Variants in SMAP1 observed in about 807,000 individuals in gnomAD.
SMAP1 encodes stromal membrane-associated protein 1.
Under a neutral mutation model 58.5 loss-of-function variants are expected in SMAP1, and 24 were observed. The ratio of observed to expected loss-of-function variants is 0.41; its 90% confidence interval spans 0.30 to 0.58. SMAP1 has a LOEUF of 0.58. SMAP1 is among the 20% of genes least tolerant of loss of function. The probability of loss-of-function intolerance (pLI) is 0.29; values close to 1 mark genes in which losing one functional copy is unlikely to be tolerated. For missense variants in SMAP1, 563 were observed against 566.3 expected, an observed-to-expected ratio of 0.99 and a Z score of 0.06; for synonymous variants, 216 against 196.6, an observed-to-expected ratio of 1.10 and a Z score of -0.82.
intron 4 of SMAP1, among the ~76,000 whole-genome samples, chr6:70,773,784 T>G (rs1451132374): frequency 2.0e-5 from 3 of 152,178 alleles, no homozygotes; most frequent in African/African-American, 4.8e-5. Flanking sequence ...TCTAAGGGCT[T>G]TCTTTGGTTG....
chr6:70,747,645 A>G (rs1766101053), intron 2 of SMAP1, among the ~76,000 whole-genome samples: 1 of 152,214 alleles, frequency 6.6e-6, no homozygotes, highest in Non-Finnish European at 1.5e-5. Context: ...AGAGTCCAGG[A>G]TGATTCCTGA....
At chr6:70,732,232 C>T (rs551699504) in intron 1 of SMAP1, 146 bp from the exon 2 acceptor site, 13 of 736,436 alleles carry the variant, frequency 1.8e-5, no homozygotes, top group South Asian at 7.5e-5. Flanking sequence ...AGCAGACTGC[C>T]GCCAGTACCA....
intron 7 of SMAP1, among the ~76,000 whole-genome samples, chr6:70,841,088 A>C (rs1398044376): frequency 1.3e-5 from 2 of 152,192 alleles, no homozygotes; most frequent in South Asian, 4.1e-4. Context: ...GTTCCCCCCG[A>C]CTAATGCTTC....
chr6:70,793,674 A>AGAGAGAGAGAGAGAGAG (rs1768468003), intron 5 of SMAP1, among the ~76,000 whole-genome samples: 3 of 132,168 alleles, frequency 2.3e-5, no homozygotes, highest in African/African-American at 8.5e-5. Flanking sequence ...GAGAGAGAGA[A>AGAGAGAGAGAGAGAGAG]AGCTTAAAAA....
chr6:70,688,974 GTTT>G (rs912277024), intron 1 of SMAP1, among the ~76,000 whole-genome samples: 2 of 144,868 alleles, frequency 1.4e-5, no homozygotes, highest in Non-Finnish European at 3.1e-5. Context: ...ATGGATCAAA[GTTT>G]TTTTTTTTTG....
intron 6 of SMAP1, among the ~76,000 whole-genome samples, chr6:70,807,813 T>C (rs78676630): frequency 0.011 from 1,689 of 152,112 alleles, 31 homozygotes; most frequent in African/African-American, 0.039. Context: ...AGTGCTGGAG[T>C]TGTGGCCCTT....
chr6:70,765,619 T>C (rs1400686182), intron 3 of SMAP1, among the ~76,000 whole-genome samples: 1 of 152,186 alleles, frequency 6.6e-6, no homozygotes, highest in African/African-American at 2.4e-5. Context: ...ACAACAAATA[T>C]GATGGGCTTC....
chr6:70,841,410 C>T (rs543992660), intron 7 of SMAP1, among the ~76,000 whole-genome samples: 26 of 152,202 alleles, frequency 1.7e-4, no homozygotes, highest in African/African-American at 4.8e-4. Context: ...CTGGGGGGAC[C>T]GCATCCTCTC....
chr6:70,795,213 G>T (rs964479516), intron 5 of SMAP1, among the ~76,000 whole-genome samples: 1 of 152,126 alleles, frequency 6.6e-6, no homozygotes, highest in African/African-American at 2.4e-5. Flanking sequence ...TGTAGCAAGC[G>T]AATTTGATTT....
intron 5 of SMAP1, among the ~76,000 whole-genome samples, chr6:70,795,741 C>CA (rs1562167544): frequency 6.9e-6 from 1 of 144,562 alleles, no homozygotes; most frequent in African/African-American, 2.5e-5. Flanking sequence ...TTTTCTTTTT[C>CA]TTTTTTTTTT....
intron 3 of SMAP1, among the ~76,000 whole-genome samples, chr6:70,771,663 C>T (rs1323124204): frequency 6.6e-6 from 1 of 152,168 alleles, no homozygotes; most frequent in Non-Finnish European, 1.5e-5. Flanking sequence ...TCACCCCTTT[C>T]TTTGACTAGG....
At chr6:70,711,862 A>G (rs1471339149) in intron 1 of SMAP1, among the ~76,000 whole-genome samples, 6 of 152,152 alleles carry the variant, frequency 3.9e-5, no homozygotes, top group Non-Finnish European at 5.9e-5. Flanking sequence ...TACATAAAGG[A>G]TTACGTCATC....
chr6:70,771,867 G>A (rs924412901), intron 3 of SMAP1, among the ~76,000 whole-genome samples: 11 of 152,164 alleles, frequency 7.2e-5, no homozygotes, highest in Non-Finnish European at 1.3e-4. Context: ...GCTGTAGACC[G>A]GAGCTGTTCC....
intron 1 of SMAP1, among the ~76,000 whole-genome samples, chr6:70,675,749 T>C (rs1766458625): frequency 6.6e-6 from 1 of 152,006 alleles, no homozygotes; most frequent in African/African-American, 2.4e-5. Context: ...AGGTTCATGC[T>C]CAAAAGGATC....
At chr6:70,780,160 A>G (rs892661275) in intron 4 of SMAP1, among the ~76,000 whole-genome samples, 2 of 152,156 alleles carry the variant, frequency 1.3e-5, no homozygotes, top group African/African-American at 4.8e-5. Flanking sequence ...TGTATATACC[A>G]GGGGGTGGAA....
intron 10 of SMAP1, chr6:70,859,895 C>T: frequency 4.3e-6 from 1 of 232,634 alleles, no homozygotes; most frequent in Non-Finnish European, 8.3e-6. Context: ...GTAGTTAAAG[C>T]ACAATATCCT....
intron 1 of SMAP1, among the ~76,000 whole-genome samples, chr6:70,726,909 G>A (rs538380344): frequency 6.3e-5 from 9 of 142,714 alleles, no homozygotes; most frequent in Admixed American, 3.5e-4. Flanking sequence ...GTGTGTGTGT[G>A]TGTGTAGAAA....
chr6:70,835,063 C>T (rs1364695448), intron 6 of SMAP1, among the ~76,000 whole-genome samples: 1 of 148,098 alleles, frequency 6.8e-6, no homozygotes, highest in Non-Finnish European at 1.5e-5. Context: ...TCCTAGCTAA[C>T]ACGGTGAAAC....
intron 1 of SMAP1, 99 bp from the exon 2 acceptor site, chr6:70,732,279 A>G (rs1765461030): frequency 6.9e-6 from 9 of 1,305,736 alleles, no homozygotes; most frequent in Non-Finnish European, 8.2e-6. Flanking sequence ...GTAAGCTTCC[A>G]TTATAATTAT....
Sources: gnomAD v4.1 joint callset for allele counts (sites outside exome capture counted in the v4.1 genomes callset) on GRCh38, gnomAD v4.1.1 for gene constraint, MANE v1.5 for transcripts, NCBI Gene and HGNC (gene_info 2026-07-23, HGNC 2026-07-21) for gene names.